Variants in ADAM12 observed in about 807,000 individuals in gnomAD.
ADAM12 encodes disintegrin and metalloproteinase domain-containing protein 12.
ADAM12 carries 70 observed loss-of-function variants against 106.4 expected under a neutral mutation model. The ratio of observed to expected loss-of-function variants is 0.66; its 90% CI spans 0.54 to 0.80. The LOEUF (loss-of-function observed/expected upper bound fraction) is 0.80. Among genes scored for constraint, ADAM12 ranks in the 30% least tolerant of loss-of-function variants. The probability of loss-of-function intolerance (pLI) is 0.00; values close to 1 mark genes in which losing one functional copy is unlikely to be tolerated. For missense variants in ADAM12, 1,010 were observed against 1,171.9 expected, an observed-to-expected ratio of 0.86 and a Z score of 2.02; for synonymous variants, 420 against 433.5, an observed-to-expected ratio of 0.97 and a Z score of 0.39.
chr10:126,327,068 C>T (rs1038296042), intron 2 of ADAM12, among the ~76,000 whole-genome samples: 3 of 152,054 alleles, frequency 2.0e-5, no homozygotes, highest in African/African-American at 7.2e-5. Flanking sequence ...GGGGTGGCCC[C>T]ATGCTATGGC....
At chr10:126,035,343 A>C (rs1201016779) in intron 21 of ADAM12, among the ~76,000 whole-genome samples, 1 of 152,190 alleles carries the variant, frequency 6.6e-6, no homozygotes, top group Non-Finnish European at 1.5e-5. Flanking sequence ...ACAGCAAAAA[A>C]TGATACATCA....
chr10:126,181,991 GGACATCCTTCAGAA>G (rs1957320986), intron 3 of ADAM12, among the ~76,000 whole-genome samples: 1 of 152,182 alleles, frequency 6.6e-6, no homozygotes, highest in Admixed American at 6.5e-5. Flanking sequence ...TGGTAGCAGA[GGACATCCTTCAGAA>G]GACACGTAAA....
At chr10:126,300,586 T>C (rs1282439371) in intron 2 of ADAM12, among the ~76,000 whole-genome samples, 1 of 152,222 alleles carries the variant, frequency 6.6e-6, no homozygotes, top group African/African-American at 2.4e-5. Flanking sequence ...AAAGACGGTT[T>C]TGTTAAATGA....
At chr10:126,031,054 G>A (rs533984960) in intron 21 of ADAM12, among the ~76,000 whole-genome samples, 91 of 152,278 alleles carry the variant, frequency 6.0e-4, no homozygotes, top group Middle Eastern at 3.4e-3. Context: ...TCCAGGCTAC[G>A]GCAGCAGGTG....
rs185828895 is a variant in ADAM12, at chr10:126,370,604, G to C, written c.88+17454C>G. On this transcript the variant is annotated intron_variant, in intron 1 of 22. Transcript: ENST00000448723. ...GTCAGAGCCCACAGGACAAGTTCCT[G>C]GGATTCACACAGCTAAAGACTCAAG... 1.9e-3 allele frequency among the ~76,000 whole-genome samples: 283 copies of C among 152,250 alleles called. 2 individuals carry two copies. The highest frequency in any genetic ancestry group is 6.5e-3 in the African/African-American group (271 of 41,548).
intron 21 of ADAM12, among the ~76,000 whole-genome samples, chr10:126,024,733 A>C (rs144117007): frequency 1.6e-4 from 25 of 152,276 alleles, no homozygotes; most frequent in African/African-American, 6.0e-4. Context: ...ACATAGGCCA[A>C]TCAAGGACAA....
At chr10:126,027,812 T>C (rs1350140951) in intron 21 of ADAM12, among the ~76,000 whole-genome samples, 1 of 152,134 alleles carries the variant, frequency 6.6e-6, no homozygotes, top group Non-Finnish European at 1.5e-5. Flanking sequence ...ATGCCCTCTC[T>C]CACCACTCCT....
chr10:126,248,693 T>G (rs61863447), intron 3 of ADAM12, among the ~76,000 whole-genome samples: 3,741 of 33,410 alleles, frequency 0.11, 63 homozygotes, highest in African/African-American at 0.17. Context: ...ATGTATTTAT[T>G]TATTTATTTA....
intron 2 of ADAM12, among the ~76,000 whole-genome samples, chr10:126,290,050 C>T (rs1435668366): frequency 1.3e-5 from 2 of 152,140 alleles, no homozygotes; most frequent in Non-Finnish European, 2.9e-5. Flanking sequence ...TTCCTGAAGG[C>T]AGAGAATCTT....
intron 2 of ADAM12, among the ~76,000 whole-genome samples, chr10:126,293,665 C>T (rs1186062299): frequency 1.3e-5 from 2 of 152,184 alleles, no homozygotes; most frequent in Non-Finnish European, 2.9e-5. Context: ...ATTGCAGGTG[C>T]ATGTCACCAC....
rs570414802 is a variant in ADAM12, at chr10:126,278,971, C to T, written c.204G>A (p.Leu68=). 1.9e-6 allele frequency: 3 copies of T among 1,613,152 alleles called. No homozygotes were observed. The Admixed American group carries it at 5.0e-5, about 27-fold the overall frequency. Residue 68 remains leucine (L), a synonymous_variant, in exon 3 of 23, where the codon CTG becomes CTA. Transcript: ENST00000448723. Reference sequence around the variant, plus strand: ...TGCTTTCCCGTTGTAGTCGAATATTCAGCACTTCTGGATGATTCTGAAAGA... The same window carrying T: ...TGCTTTCCCGTTGTAGTCGAATATTTAGCACTTCTGGATGATTCTGAAAGA... The part of the protein sequence containing the change: ...SFDSKNHPEV[L]NIRLQRESKE...
In ADAM12 at chr10:126,049,337, C is replaced by T; in HGVS notation, c.1833G>A (p.Leu611=). The T allele has an allele frequency of 6.2e-7, 1 of 1,614,250 alleles. No individual in the cohort carries two copies. Among genetic ancestry groups the T allele is most frequent in the Non-Finnish European group, 8.5e-7 (1 of 1,180,048 alleles). The part of the protein sequence containing the change: ...NIPLQQGGRI[L]CRGTHVYLGD... Reference sequence around the variant, plus strand: ...CCAAGTACACGTGGGTCCCCCGGCACAGAATCCGGCCTCCTTGCTGCAGGG... The same window carrying T: ...CCAAGTACACGTGGGTCCCCCGGCATAGAATCCGGCCTCCTTGCTGCAGGG... The change falls in exon 16 of 23, where the codon CTG becomes CTA. Residue 611 remains leucine (L), a synonymous_variant. Transcript: ENST00000448723. This position sits in a 1 kb window ranked among gnomAD's most constrained non-coding sequence, Gnocchi z 4.4.
intron 8 of ADAM12, among the ~76,000 whole-genome samples, chr10:126,105,594 G>C (rs1955750836): frequency 6.6e-6 from 1 of 152,194 alleles, no homozygotes; most frequent in African/African-American, 2.4e-5. Flanking sequence ...TAGGCCCTGT[G>C]CCAGGTCAAT....
chr10:126,115,731 A>T (rs1165690270), intron 6 of ADAM12, among the ~76,000 whole-genome samples: 2 of 152,218 alleles, frequency 1.3e-5, no homozygotes, highest in Admixed American at 6.5e-5. Context: ...TTGCATAAAC[A>T]AGATTAGTTA....
intron 3 of ADAM12, among the ~76,000 whole-genome samples, chr10:126,247,924 C>T (rs1316325065): frequency 2.6e-5 from 4 of 152,176 alleles, no homozygotes; most frequent in African/African-American, 9.7e-5. Context: ...GAGTAAGATG[C>T]TCTTTGAATT....
At position 126,049,345 on chromosome 10, in the gene ADAM12, G is replaced by A. The variant is rs969958267; in HGVS notation, c.1825C>T (p.Arg609Trp). Residue 609 changes from arginine (R) to tryptophan (W), a missense_variant, in exon 16 of 23, where the codon CGG becomes TGG. Arg to Trp is a moderately radical substitution (Grantham distance 101, BLOSUM62 -3). Transcript: ENST00000448723. The surrounding 1 kb of genome is among the most constrained non-coding windows in gnomAD (Gnocchi z 4.4). ...ACGTGGGTCCCCCGGCACAGAATCCGGCCTCCTTGCTGCAGGGGGATGTTT... is the reference window on the plus strand; with the variant it reads ...ACGTGGGTCCCCCGGCACAGAATCCAGCCTCCTTGCTGCAGGGGGATGTTT... ...ETNIPLQQGG[R>W]ILCRGTHVYL... The A allele has an allele frequency of 3.2e-5, 51 of 1,614,060 alleles. No individual in the cohort carries two copies. The highest frequency in any genetic ancestry group is 6.7e-5 in the African/African-American group (5 of 74,908).
chr10:126,207,636 A>C (rs1957821386), intron 3 of ADAM12, among the ~76,000 whole-genome samples: 1 of 152,202 alleles, frequency 6.6e-6, no homozygotes, highest in Non-Finnish European at 1.5e-5. Flanking sequence ...TCATATAGCA[A>C]TTGGTTACTA....
chr10:126,281,077 G>A (rs936020868), intron 2 of ADAM12, among the ~76,000 whole-genome samples: 6 of 152,028 alleles, frequency 3.9e-5, no homozygotes, highest in East Asian at 1.9e-4. Flanking sequence ...GCTGACACCC[G>A]GGTTGAACTA....
At chr10:126,211,500 G>A (rs549810765) in intron 3 of ADAM12, among the ~76,000 whole-genome samples, 4 of 152,110 alleles carry the variant, frequency 2.6e-5, no homozygotes, top group Non-Finnish European at 4.4e-5. Flanking sequence ...CCTGGACCAC[G>A]TGATCCTCGA....
Sources: gnomAD v4.1 joint callset for allele counts (sites outside exome capture counted in the v4.1 genomes callset) on GRCh38, gnomAD v4.1.1 for gene constraint, Gnocchi (gnomAD v3.1) non-coding constraint, MANE v1.5 for transcripts, NCBI Gene and HGNC (gene_info 2026-07-23, HGNC 2026-07-21) for gene names.